The following STMN2 variants were observed in gnomAD, a reference collection of about 807,000 sequenced individuals.
The protein encoded by STMN2 is stathmin-2.
In STMN2, 2 loss-of-function variants were observed where a neutral mutation model predicts 24.1. That is an observed-to-expected ratio of 0.08 (90% CI 0.03 to 0.26). The LOEUF is 0.26. Ranked by LOEUF, STMN2 falls within the 10% of genes least tolerant of loss-of-function variation. The pLI, the probability that STMN2 is intolerant of heterozygous loss-of-function variation, is 1.00. For synonymous variants in STMN2, 83 were observed against 77.5 expected, an observed-to-expected ratio of 1.07 and a Z score of -0.37; for missense variants, 114 against 213.6, an observed-to-expected ratio of 0.53 and a Z score of 2.91.
chr8:79,617,390 A>G (rs1809409619), intron 1 of STMN2, among the ~76,000 whole-genome samples: 1 of 152,242 alleles, frequency 6.6e-6, no homozygotes, highest in Admixed American at 6.5e-5. Context: ...AAAAAATATA[A>G]CATTTCCCAA....
At chr8:79,645,286 A>G (rs1009562332) in intron 3 of STMN2, among the ~76,000 whole-genome samples, 4 of 152,232 alleles carry the variant, frequency 2.6e-5, no homozygotes, top group African/African-American at 9.6e-5. Context: ...TATATTCAAA[A>G]CATTATTTCA....
chr8:79,657,028 C>T (rs1278424806), intron 4 of STMN2, among the ~76,000 whole-genome samples: 1 of 152,116 alleles, frequency 6.6e-6, no homozygotes, highest in Non-Finnish European at 1.5e-5. Context: ...CGTATACCAC[C>T]ACGCCCAGCT....
intron 3 of STMN2, among the ~76,000 whole-genome samples, chr8:79,644,127 G>C (rs1810169326): frequency 6.6e-6 from 1 of 152,090 alleles, no homozygotes; most frequent in Admixed American, 6.6e-5. Context: ...AGAGTCTTTA[G>C]CAAGTGCATA....
chr8:79,641,359 T>G lies in STMN2; in HGVS notation c.116-19T>G, dbSNP rs1385476073. ...TGCAAGCTTTGTATGCTTAACATTCTCAAATGTTCACTTTTCAGATATGGA... is the reference window on the plus strand; with the variant it reads ...TGCAAGCTTTGTATGCTTAACATTCGCAAATGTTCACTTTTCAGATATGGA... On this transcript the variant is annotated intron_variant, in intron 2 of 4. Coordinates refer to ENST00000220876, the MANE Select transcript of STMN2 (RefSeq NM_007029.4). 4 of 1,609,132 alleles carry G rather than the reference T, an allele frequency of 2.5e-6. No individual in the cohort carries two copies. The East Asian group carries it at 6.7e-5, about 27-fold the overall frequency.
In STMN2 at chr8:79,644,773, C is replaced by T. The variant is rs1006651354; in HGVS notation, c.288+3223C>T. 3.3e-5 allele frequency among the ~76,000 whole-genome samples: 5 copies of T among 152,206 alleles called. No individual in the cohort carries two copies. The South Asian group carries it at 1.0e-3, about 31-fold the overall frequency. On this transcript the variant is annotated intron_variant, in intron 3 of 4. Transcript: ENST00000220876. The stretch of plus-strand genomic sequence containing the variant: ...ACACTATTCAATTTGTATCTCCCTT[C>T]TGTTGCCCTGTTGCCGTTATTTTCT...
At chr8:79,644,318 C>G (rs1810173316) in intron 3 of STMN2, among the ~76,000 whole-genome samples, 1 of 152,204 alleles carries the variant, frequency 6.6e-6, no homozygotes. Context: ...TCTCTTCCTG[C>G]ATTTAACTGG....
At chr8:79,632,518 C>A (rs998950556) in intron 1 of STMN2, among the ~76,000 whole-genome samples, 5 of 152,174 alleles carry the variant, frequency 3.3e-5, no homozygotes, top group African/African-American at 1.2e-4. Context: ...GTCAGCAGAG[C>A]CGTCCTGAGC....
Position 79,665,001 on chromosome 8 carries a change from A to G in STMN2, c.*127A>G. ...AAAGAACTCATTATAAAAAAAAAAAAACAAAAAAAATCAAAAATTAAAAAA... is the reference window on the plus strand; with the variant it reads ...AAAGAACTCATTATAAAAAAAAAAAGACAAAAAAAATCAAAAATTAAAAAA... On this transcript the variant is annotated 3_prime_UTR_variant, in exon 5 of 5. Coordinates refer to ENST00000220876, the MANE Select transcript of STMN2 (RefSeq NM_007029.4). 1.1e-6 allele frequency: 1 copy of G among 878,380 alleles called. No homozygotes were observed. Among genetic ancestry groups the G allele is most frequent in the Non-Finnish European group, 1.5e-6 (1 of 652,656 alleles). 54.4% of individuals were successfully genotyped at this position (878,380 alleles called of 1,614,324 possible). A position where few individuals can be genotyped will look rare whatever the true frequency, so the allele number is the denominator to read the frequency against.
chr8:79,625,105 T>C (rs1809621126), intron 1 of STMN2, among the ~76,000 whole-genome samples: 1 of 152,230 alleles, frequency 6.6e-6, no homozygotes, highest in African/African-American at 2.4e-5. Flanking sequence ...GAGTCGAGTT[T>C]CAAATCTAAT....
chr8:79,627,213 G>A (rs1202534184), intron 1 of STMN2, among the ~76,000 whole-genome samples: 1 of 152,114 alleles, frequency 6.6e-6, no homozygotes, highest in East Asian at 1.9e-4. Flanking sequence ...GACATAAAGG[G>A]GAGCCAACGT....
chr8:79,613,564 G>C (rs1234652805), intron 1 of STMN2: 1 of 985,378 alleles, frequency 1.0e-6, no homozygotes, highest in Admixed American at 6.1e-5. Flanking sequence ...TTCCGCTGCA[G>C]GCTAGTGGCT....
rs1279642303 is a variant in STMN2 at position 79,652,606 on chromosome 8, GC to G, written c.289-2263del. 2.0e-5 allele frequency among the ~76,000 whole-genome samples: 3 copies of G among 151,874 alleles called. No homozygotes were observed. In the East Asian group the frequency reaches 5.8e-4, roughly 29 times the overall value. On this transcript the variant is annotated intron_variant, in intron 3 of 4. Transcript: ENST00000220876. Reference sequence around the variant, plus strand: ...AGTTGTTATACCAGTAAGTCCAGTTGCCATCATCTCCTTGTCACAAGTGTCT... The same window carrying G: ...AGTTGTTATACCAGTAAGTCCAGTTGCATCATCTCCTTGTCACAAGTGTCT...
chr8:79,641,601 C>G, intron 3 of STMN2, 51 bp downstream of exon 3: 1 of 1,510,378 alleles, frequency 6.6e-7, no homozygotes, highest in South Asian at 1.2e-5. Flanking sequence ...CTGCTCCTCC[C>G]TCTCACACAC....
At chr8:79,650,945 T>A (rs1173164688) in intron 3 of STMN2, among the ~76,000 whole-genome samples, 5 of 151,610 alleles carry the variant, frequency 3.3e-5, no homozygotes, top group Admixed American at 1.3e-4. Context: ...TCTCTAAATT[T>A]AAAAAAAAAT....
intron 1 of STMN2, among the ~76,000 whole-genome samples, chr8:79,617,660 C>G (rs1161739975): frequency 6.6e-6 from 1 of 152,214 alleles, no homozygotes; most frequent in African/African-American, 2.4e-5. Flanking sequence ...TCGGGCAGGG[C>G]TCTCTGTATA....
At chr8:79,664,077 A>G (rs1316871433) in intron 4 of STMN2, among the ~76,000 whole-genome samples, 3 of 152,242 alleles carry the variant, frequency 2.0e-5, no homozygotes, top group Non-Finnish European at 4.4e-5. Context: ...ATACAACTAG[A>G]ATAAAATGAC....
chr8:79,642,861 C>T (rs559758393), intron 3 of STMN2, among the ~76,000 whole-genome samples: 109 of 147,120 alleles, frequency 7.4e-4, no homozygotes, highest in African/African-American at 2.6e-3. Flanking sequence ...TCCAAATGTC[C>T]GATGAGCATG....
intron 4 of STMN2, among the ~76,000 whole-genome samples, chr8:79,661,771 G>A (rs941161561): frequency 7.2e-5 from 11 of 151,956 alleles, no homozygotes; most frequent in Admixed American, 5.9e-4. Context: ...TTGAATGCAA[G>A]TCTGTTTGAC....
chr8:79,622,845 A>G (rs180940647), intron 1 of STMN2, among the ~76,000 whole-genome samples: 22 of 152,234 alleles, frequency 1.4e-4, no homozygotes, highest in Admixed American at 1.4e-3. Flanking sequence ...TATCACACAC[A>G]CACGTACACG....
Sources: gnomAD v4.1 joint callset for allele counts (sites outside exome capture counted in the v4.1 genomes callset) on GRCh38, gnomAD v4.1.1 for gene constraint, MANE v1.5 for transcripts, NCBI Gene and HGNC (gene_info 2026-07-23, HGNC 2026-07-21) for gene names.